The following SLC39A11 variants were observed in gnomAD, a reference collection of about 807,000 sequenced individuals.
SLC39A11 encodes zinc transporter ZIP11.
Under a neutral mutation model 36.1 loss-of-function variants are expected in SLC39A11, and 33 were observed. The observed-to-expected ratio is 0.91, with a 90% confidence interval of 0.69 to 1.22. The LOEUF is 1.22. Ranked by LOEUF, SLC39A11 falls within the 50% of genes most tolerant of loss-of-function variation. SLC39A11 has a pLI of 0.00. For missense variants in SLC39A11, 432 were observed against 430.3 expected (o/e 1.00, Z -0.03); for synonymous variants, 166 against 170.3 (o/e 0.97, Z 0.20).
In SLC39A11 at chr17:73,021,362, C is replaced by A. The variant is rs376131311; in HGVS notation, c.306+10194G>T. Among the ~76,000 whole-genome samples the A allele has an allele frequency of 1.1e-3, 165 of 151,558 alleles. No individual in the cohort carries two copies. The East Asian group carries it at 0.018, about 16-fold the overall frequency. On this transcript the variant is annotated intron_variant, in intron 4 of 9. Coordinates refer to ENST00000255559, the MANE Select transcript of SLC39A11 (RefSeq NM_139177.4). Reference sequence around the variant, plus strand: ...TCTTTCTTTCTTTTTTTTTTTAAGACATAGTCTTGCTCTGTCACCCAGGCT... The same window carrying A: ...TCTTTCTTTCTTTTTTTTTTTAAGAAATAGTCTTGCTCTGTCACCCAGGCT...
intron 3 of SLC39A11, among the ~76,000 whole-genome samples, chr17:73,047,141 C>T (rs546833409): frequency 2.0e-5 from 3 of 151,792 alleles, no homozygotes; most frequent in African/African-American, 7.2e-5. Flanking sequence ...TCTCCCGCCT[C>T]AGCCTCCCGA....
At chr17:72,985,407 C>T (rs1166640479) in intron 4 of SLC39A11, among the ~76,000 whole-genome samples, 6 of 78,930 alleles carry the variant, frequency 7.6e-5, no homozygotes, top group South Asian at 5.9e-4. Context: ...TGGGGCCTGC[C>T]TTTTTTTTTT....
chr17:72,776,579 ATGTT>A (rs2076138144), intron 6 of SLC39A11, among the ~76,000 whole-genome samples: 1 of 141,452 alleles, frequency 7.1e-6, no homozygotes, highest in South Asian at 2.2e-4. Flanking sequence ...GTTTTTAATT[ATGTT>A]TGTTTATAAA....
chr17:72,921,420 A>G (rs2083662973), intron 5 of SLC39A11, among the ~76,000 whole-genome samples: 1 of 152,218 alleles, frequency 6.6e-6, no homozygotes, highest in African/African-American at 2.4e-5. Flanking sequence ...TAGAAAATGA[A>G]AACAGCTACA....
intron 4 of SLC39A11, among the ~76,000 whole-genome samples, chr17:73,013,817 A>G (rs571929614): frequency 4.5e-4 from 68 of 152,248 alleles, no homozygotes; most frequent in Non-Finnish European, 9.4e-4. Context: ...TTCAGGACCA[A>G]TGAGGGGATA....
chr17:73,081,083 C>T (rs2060494586), intron 3 of SLC39A11, among the ~76,000 whole-genome samples: 1 of 151,908 alleles, frequency 6.6e-6, no homozygotes, highest in Admixed American at 6.6e-5. Flanking sequence ...TGACAAAGGA[C>T]CAATATCCAG....
intron 3 of SLC39A11, among the ~76,000 whole-genome samples, chr17:73,074,599 G>A (rs1325530433): frequency 1.3e-5 from 2 of 151,944 alleles, no homozygotes; most frequent in Non-Finnish European, 2.9e-5. Context: ...ACCCAGCCAT[G>A]CTACAATTTA....
At chr17:73,041,771 C>A (rs571932190) in intron 3 of SLC39A11, among the ~76,000 whole-genome samples, 42 of 152,332 alleles carry the variant, frequency 2.8e-4, no homozygotes, top group African/African-American at 9.4e-4. Flanking sequence ...TAAATCACAG[C>A]CTTAACAGCA....
At chr17:72,757,371 C>T (rs1486414236) in intron 6 of SLC39A11, among the ~76,000 whole-genome samples, 1 of 152,078 alleles carries the variant, frequency 6.6e-6, no homozygotes, top group Non-Finnish European at 1.5e-5. Flanking sequence ...GCTGTGATGA[C>T]TCAATTGAGT....
At chr17:73,021,759 G>T (rs988595919) in intron 4 of SLC39A11, among the ~76,000 whole-genome samples, 2 of 152,188 alleles carry the variant, frequency 1.3e-5, no homozygotes, top group African/African-American at 4.8e-5. Flanking sequence ...GAGAGGACAG[G>T]TATCCAGTTA....
intron 6 of SLC39A11, among the ~76,000 whole-genome samples, chr17:72,767,298 T>C (rs1568055648): frequency 6.6e-6 from 1 of 152,374 alleles, no homozygotes; most frequent in South Asian, 2.1e-4. Flanking sequence ...CCAGAGATCA[T>C]TCTAGGTACT....
At chr17:72,729,441 ATATATATATATATAT>A (rs2074107243) in intron 7 of SLC39A11, among the ~76,000 whole-genome samples, 4 of 2,238 alleles carry the variant, frequency 1.8e-3, no homozygotes, top group Non-Finnish European at 3.9e-3. Flanking sequence ...ATATATATAT[ATATATATATATATAT>A]ATTTTTTTTT....
chr17:72,853,056 C>T (rs764727386), intron 5 of SLC39A11, among the ~76,000 whole-genome samples: 2 of 152,088 alleles, frequency 1.3e-5, no homozygotes, highest in African/African-American at 2.4e-5. Flanking sequence ...ACTCTGTTGC[C>T]CAGGCTAGAG....
chr17:72,731,312 T>C (rs998009289), intron 7 of SLC39A11, among the ~76,000 whole-genome samples: 5 of 152,166 alleles, frequency 3.3e-5, no homozygotes, highest in Non-Finnish European at 7.4e-5. Context: ...GCCTCCGGTA[T>C]CTCCAGATTC....
At chr17:72,980,451 A>G (rs937635951) in intron 4 of SLC39A11, among the ~76,000 whole-genome samples, 3 of 152,228 alleles carry the variant, frequency 2.0e-5, no homozygotes, top group African/African-American at 7.2e-5. Flanking sequence ...AGAAACGCTC[A>G]TCGTCATAAA....
At chr17:72,982,892 G>T (rs1432675242) in intron 4 of SLC39A11, among the ~76,000 whole-genome samples, 1 of 152,186 alleles carries the variant, frequency 6.6e-6, no homozygotes. Flanking sequence ...CGACAGGGCT[G>T]CAAGTGTTTG....
intron 7 of SLC39A11, among the ~76,000 whole-genome samples, chr17:72,734,907 T>C (rs2074360091): frequency 6.6e-6 from 1 of 152,244 alleles, no homozygotes; most frequent in South Asian, 2.1e-4. Context: ...CTGAAGTCTC[T>C]TGTGGTCTAG....
At chr17:72,842,256 C>T (rs1198758783) in intron 6 of SLC39A11, among the ~76,000 whole-genome samples, 1 of 152,054 alleles carries the variant, frequency 6.6e-6, no homozygotes, top group African/African-American at 2.4e-5. Context: ...TACAGCAAGA[C>T]AGCACAAAGG....
intron 4 of SLC39A11, among the ~76,000 whole-genome samples, chr17:72,992,614 T>G (rs1005958792): frequency 2.0e-5 from 3 of 152,372 alleles, no homozygotes; most frequent in Non-Finnish European, 2.9e-5. Context: ...AGCCTTGGCT[T>G]GAATTTAACT....
Sources: allele counts gnomAD v4.1 joint callset (sites outside exome capture counted in the v4.1 genomes callset), GRCh38; gene constraint gnomAD v4.1.1; transcripts MANE v1.5; gene names NCBI Gene and HGNC (gene_info 2026-07-23, HGNC 2026-07-21).